Variants in SDK1 observed in about 807,000 individuals in gnomAD.
SDK1 encodes sidekick cell adhesion molecule 1.
SDK1 carries 157 observed loss-of-function variants against 245.5 expected under a neutral mutation model. That is an observed-to-expected ratio of 0.64 (90% CI 0.56 to 0.73). The LOEUF (loss-of-function observed/expected upper bound fraction) is 0.73, where lower values mean the gene tolerates loss of function less well. Ranked by LOEUF, SDK1 falls within the 30% of genes least tolerant of loss-of-function variation. SDK1 has a pLI of 0.00. For synonymous variants in SDK1, 1,647 were observed against 1,278.5 expected, an observed-to-expected ratio of 1.29 and a Z score of -6.15; for missense variants, 3,583 against 3,002.3, an observed-to-expected ratio of 1.19 and a Z score of -4.52.
At chr7:3,716,586 C>T (rs556900499) in intron 4 of SDK1, among the ~76,000 whole-genome samples, 9 of 151,738 alleles carry the variant, frequency 5.9e-5, no homozygotes, top group South Asian at 2.1e-4. Flanking sequence ...GTAGTGAGAC[C>T]CCATTGCTAC....
chr7:3,506,451 C>T (rs144018239), intron 1 of SDK1, among the ~76,000 whole-genome samples: 9 of 152,068 alleles, frequency 5.9e-5, no homozygotes, highest in Non-Finnish European at 1.0e-4. Flanking sequence ...TTTTGGGTTT[C>T]GTCTTTTAAA....
chr7:3,767,677 A>C (rs1780292767), intron 4 of SDK1, among the ~76,000 whole-genome samples: 2 of 152,272 alleles, frequency 1.3e-5, no homozygotes, highest in South Asian at 4.1e-4. Context: ...GCACTGAGAC[A>C]TGAGGTAATG....
Position 3,946,540 on chromosome 7 carries a change from C to A in SDK1, c.848-4383C>A, listed in dbSNP as rs966208820. Among the ~76,000 whole-genome samples, 5 of 152,098 alleles carry A rather than the reference C, an allele frequency of 3.3e-5. No homozygotes were observed. The South Asian group carries it at 1.0e-3, about 32-fold the overall frequency. On this transcript the variant is annotated intron_variant, in intron 5 of 44. Coordinates refer to ENST00000404826, the MANE Select transcript of SDK1 (RefSeq NM_152744.4). ...CCATATTGCCTAGGCTCATCTCAAA[C>A]TCTTGGGCTCAAGAGAGCCACTCAC...
chr7:3,499,214 C>T lies in SDK1; in HGVS notation c.299-119866C>T, dbSNP rs182093894. Among the ~76,000 whole-genome samples the T allele has an allele frequency of 2.4e-3, 369 of 152,304 alleles. 3 individuals carry two copies. The highest frequency in any genetic ancestry group is 0.018 in the South Asian group (87 of 4,824). On this transcript the variant is annotated intron_variant, in intron 1 of 44. Transcript: ENST00000404826. ...ATAATGGTGTCCTTAAGATCGACAT[C>T]TTTCCGGATTCATTTTTTGTATTGA...
chr7:3,698,591 A>C (rs910497424), intron 4 of SDK1, among the ~76,000 whole-genome samples: 2 of 152,134 alleles, frequency 1.3e-5, no homozygotes, highest in Non-Finnish European at 2.9e-5. Flanking sequence ...ATAGTAAAAC[A>C]CCACAAATAC....
intron 5 of SDK1, among the ~76,000 whole-genome samples, chr7:3,945,787 T>C (rs2128123175): frequency 6.6e-6 from 1 of 150,746 alleles, no homozygotes; most frequent in African/African-American, 2.4e-5. Flanking sequence ...TAATCCCAGC[T>C]ACCCAGGAGG....
At chr7:3,365,589 C>A (rs1026626865) in intron 1 of SDK1, among the ~76,000 whole-genome samples, 1 of 152,150 alleles carries the variant, frequency 6.6e-6, no homozygotes, top group African/African-American at 2.4e-5. Context: ...TCTTACTATA[C>A]ACATAAATGT....
intron 4 of SDK1, among the ~76,000 whole-genome samples, chr7:3,706,302 C>T (rs1239806853): frequency 6.6e-6 from 1 of 152,080 alleles, no homozygotes; most frequent in African/African-American, 2.4e-5. Flanking sequence ...GGGAGGATTC[C>T]CTCTTTCTCA....
chr7:3,879,636 C>T (rs775802219), intron 5 of SDK1, among the ~76,000 whole-genome samples: 3 of 152,142 alleles, frequency 2.0e-5, no homozygotes, highest in African/African-American at 4.8e-5. Flanking sequence ...AGGATGGACA[C>T]CCAGTTTAAT....
chr7:3,798,655 C>T (rs1022222432), intron 4 of SDK1, among the ~76,000 whole-genome samples: 2 of 152,104 alleles, frequency 1.3e-5, no homozygotes, highest in Non-Finnish European at 2.9e-5. Context: ...TCACTGGCAG[C>T]GACAGGGTGG....
intron 5 of SDK1, among the ~76,000 whole-genome samples, chr7:3,890,281 A>C (rs375676795): frequency 1.2e-4 from 19 of 152,356 alleles, no homozygotes; most frequent in African/African-American, 4.6e-4. Flanking sequence ...TTGAGCACTT[A>C]CAATGTGGTA....
chr7:3,731,303 G>T (rs985392750), intron 4 of SDK1, among the ~76,000 whole-genome samples: 2 of 152,150 alleles, frequency 1.3e-5, no homozygotes, highest in African/African-American at 4.8e-5. Flanking sequence ...ACATACAAGT[G>T]CTTCTACAAG....
chr7:4,161,733 G>A (rs201185352), intron 31 of SDK1, 53 bp from the exon 32 acceptor site: 38 of 1,486,582 alleles, frequency 2.6e-5, no homozygotes, highest in East Asian at 2.5e-4. Flanking sequence ...TGGGAAGGGC[G>A]GCAGAACATA....
At chr7:3,840,485 G>A (rs1016936692) in intron 5 of SDK1, among the ~76,000 whole-genome samples, 13 of 152,204 alleles carry the variant, frequency 8.5e-5, no homozygotes, top group African/African-American at 3.1e-4. Flanking sequence ...TCACAGAGTG[G>A]TCCTTGGGCT....
At chr7:3,602,282 A>G (rs943856435) in intron 1 of SDK1, among the ~76,000 whole-genome samples, 1 of 151,260 alleles carries the variant, frequency 6.6e-6, no homozygotes, top group African/African-American at 2.4e-5. Context: ...GAACTAGTTT[A>G]CAGTCCCACC....
intron 5 of SDK1, among the ~76,000 whole-genome samples, chr7:3,942,872 A>G (rs570640702): frequency 6.6e-6 from 1 of 152,310 alleles, no homozygotes; most frequent in Admixed American, 6.5e-5. Flanking sequence ...CATGTTGCCC[A>G]TGTCCACTTG....
chr7:3,848,286 G>T (rs1387954446), intron 5 of SDK1, among the ~76,000 whole-genome samples: 1 of 152,204 alleles, frequency 6.6e-6, no homozygotes, highest in Non-Finnish European at 1.5e-5. Flanking sequence ...AATTCCAGTT[G>T]TTCCTTTGTT....
At chr7:3,716,570 G>A (rs1428506734) in intron 4 of SDK1, among the ~76,000 whole-genome samples, 2 of 151,916 alleles carry the variant, frequency 1.3e-5, no homozygotes, top group African/African-American at 2.4e-5. Flanking sequence ...GGCCAGCCTG[G>A]GCAAGGTAGT....
chr7:4,218,509 G>C (rs1165862153), intron 38 of SDK1, among the ~76,000 whole-genome samples: 1 of 152,234 alleles, frequency 6.6e-6, no homozygotes, highest in Admixed American at 6.5e-5. Flanking sequence ...AGATATGTTG[G>C]AGATTTTTAG....
Sources: gnomAD v4.1 joint callset for allele counts (sites outside exome capture counted in the v4.1 genomes callset) on GRCh38, gnomAD v4.1.1 for gene constraint, MANE v1.5 for transcripts, NCBI Gene and HGNC (gene_info 2026-07-23, HGNC 2026-07-21) for gene names.